The following DLGAP2 variants were observed in gnomAD, a reference collection of about 807,000 sequenced individuals.
The protein encoded by DLGAP2 is DLG associated protein 2, also known as disks large-associated protein 2.
A neutral mutation model predicts 100.3 loss-of-function variants in DLGAP2; 26 were observed. The ratio of observed to expected loss-of-function variants is 0.26; its 90% confidence interval spans 0.19 to 0.36. The LOEUF (loss-of-function observed/expected upper bound fraction) is 0.36. Ranked by LOEUF, DLGAP2 falls within the 10% of genes least tolerant of loss-of-function variation. DLGAP2 has a pLI of 1.00. For synonymous variants in DLGAP2, 886 were observed against 630.1 expected, an observed-to-expected ratio of 1.41 and a Z score of -6.08; for missense variants, 1,858 against 1,453.2, an observed-to-expected ratio of 1.28 and a Z score of -4.53.
At chr8:1,655,800 C>A (rs1483387503) in intron 8 of DLGAP2, among the ~76,000 whole-genome samples, 11 of 152,230 alleles carry the variant, frequency 7.2e-5, no homozygotes, top group African/African-American at 2.7e-4. Context: ...GAGTCCTCTG[C>A]TTCATGTGCT....
intron 1 of DLGAP2, among the ~76,000 whole-genome samples, chr8:788,771 A>C (rs1488848804): frequency 2.0e-5 from 3 of 152,180 alleles, no homozygotes. Context: ...AGCAGAAGTC[A>C]CTTATTTTCA....
chr8:1,176,182 C>T (rs901769882), intron 2 of DLGAP2, among the ~76,000 whole-genome samples: 4 of 150,586 alleles, frequency 2.7e-5, no homozygotes, highest in East Asian at 3.9e-4. Context: ...AAGCAAGGCA[C>T]GTGTTACATG....
intron 1 of DLGAP2, among the ~76,000 whole-genome samples, chr8:857,872 A>G (rs1248626537): frequency 6.8e-6 from 1 of 147,476 alleles, no homozygotes; most frequent in African/African-American, 2.5e-5. Context: ...CTTGCACATG[A>G]TTTTTTTTTT....
Position 1,657,090 on chromosome 8 carries a change from G to T in DLGAP2, c.1811-11239G>T, listed in dbSNP as rs182173230. ...CAAACAGATACTCATGCTTGGAATA[G>T]GTATTTTTTTTTTAAAGAAAGTAGT... On this transcript the variant is annotated intron_variant, in intron 8 of 14. Coordinates refer to ENST00000637795, the MANE Select transcript of DLGAP2 (RefSeq NM_001346810.2). Among the ~76,000 whole-genome samples the T allele has an allele frequency of 1.6e-3, 251 of 152,158 alleles. 2 individuals are homozygous for T. Among genetic ancestry groups the T allele is most frequent in the African/African-American group, 5.9e-3 (245 of 41,514 alleles).
intron 2 of DLGAP2, among the ~76,000 whole-genome samples, chr8:1,018,214 G>A (rs1801526514): frequency 6.6e-6 from 1 of 152,036 alleles, no homozygotes; most frequent in Non-Finnish European, 1.5e-5. Context: ...TCCGTCCTCA[G>A]CTTGTCCCTG....
chr8:1,431,700 C>G (rs576988988), intron 3 of DLGAP2, among the ~76,000 whole-genome samples: 1 of 152,238 alleles, frequency 6.6e-6, no homozygotes, highest in East Asian at 1.9e-4. Context: ...AGTGGAGGCA[C>G]TGGCTCCCGG....
At chr8:743,795 G>T (rs996491926) in intron 1 of DLGAP2, among the ~76,000 whole-genome samples, 1 of 152,174 alleles carries the variant, frequency 6.6e-6, no homozygotes, top group Non-Finnish European at 1.5e-5. Flanking sequence ...TGACTCCTGG[G>T]CTCTAGCCAT....
At chr8:1,135,681 G>A (rs1177116573) in intron 2 of DLGAP2, among the ~76,000 whole-genome samples, 1 of 152,140 alleles carries the variant, frequency 6.6e-6, no homozygotes, top group African/African-American at 2.4e-5. Flanking sequence ...GGAACTGCAG[G>A]TTGGGCGCTA....
chr8:817,238 GT>G (rs1796499285), intron 1 of DLGAP2, among the ~76,000 whole-genome samples: 1 of 151,936 alleles, frequency 6.6e-6, no homozygotes, highest in Non-Finnish European at 1.5e-5. Flanking sequence ...TCTTTCTTCA[GT>G]TTGTTCTATT....
At chr8:1,560,191 A>G (rs537419050) in intron 5 of DLGAP2, among the ~76,000 whole-genome samples, 1 of 152,228 alleles carries the variant, frequency 6.6e-6, no homozygotes, top group African/African-American at 2.4e-5. Context: ...TCCCTGTTTC[A>G]CATCTTCTGG....
At chr8:1,320,352 C>T (rs1411774810) in intron 3 of DLGAP2, among the ~76,000 whole-genome samples, 2 of 152,052 alleles carry the variant, frequency 1.3e-5, no homozygotes, top group Non-Finnish European at 2.9e-5. Context: ...CTCGAGGGAA[C>T]CGTAGCGTCG....
intron 3 of DLGAP2, among the ~76,000 whole-genome samples, chr8:1,275,697 G>C (rs1438004499): frequency 7.2e-6 from 1 of 138,550 alleles, no homozygotes; most frequent in Non-Finnish European, 1.5e-5. Context: ...GTTCTCTAGA[G>C]GGACAGAGCT....
At chr8:1,258,608 T>TC (rs1324781753) in intron 2 of DLGAP2, among the ~76,000 whole-genome samples, 1 of 152,034 alleles carries the variant, frequency 6.6e-6, no homozygotes, top group African/African-American at 2.4e-5. Flanking sequence ...AAAAAAAATT[T>TC]TTTTTAATTC....
chr8:962,873 G>T (rs1262696130), intron 2 of DLGAP2, among the ~76,000 whole-genome samples: 2 of 152,182 alleles, frequency 1.3e-5, no homozygotes, highest in Admixed American at 6.5e-5. Flanking sequence ...CCATCTGTGG[G>T]TGGCTTTCAT....
chr8:948,320 G>A (rs1267184634), intron 2 of DLGAP2, among the ~76,000 whole-genome samples: 1 of 152,222 alleles, frequency 6.6e-6, no homozygotes, highest in Non-Finnish European at 1.5e-5. Context: ...CATGCGTGTC[G>A]CCTGCGGGCG....
intron 7 of DLGAP2, among the ~76,000 whole-genome samples, chr8:1,627,378 G>C (rs1475925668): frequency 6.6e-6 from 1 of 152,190 alleles, no homozygotes; most frequent in African/African-American, 2.4e-5. Flanking sequence ...GTGGCCAGGA[G>C]AAGGGTCCCT....
At chr8:1,078,029 CA>C (rs1803680179) in intron 2 of DLGAP2, among the ~76,000 whole-genome samples, 1 of 152,178 alleles carries the variant, frequency 6.6e-6, no homozygotes, top group Non-Finnish European at 1.5e-5. Flanking sequence ...GCTTCCAGGT[CA>C]AGCACAGAGG....
intron 1 of DLGAP2, among the ~76,000 whole-genome samples, chr8:824,535 C>T (rs1314756935): frequency 1.3e-5 from 2 of 152,236 alleles, no homozygotes; most frequent in East Asian, 3.9e-4. Context: ...TTTGAGGACC[C>T]AGTATTCGTG....
chr8:1,592,627 C>T (rs1584965594), intron 6 of DLGAP2, among the ~76,000 whole-genome samples: 3 of 152,260 alleles, frequency 2.0e-5, no homozygotes, highest in Admixed American at 2.0e-4. Context: ...CAACTTCTAA[C>T]TATTGAAAAT....
Sources: gnomAD v4.1 joint callset for allele counts (sites outside exome capture counted in the v4.1 genomes callset) on GRCh38, gnomAD v4.1.1 for gene constraint, MANE v1.5 for transcripts, NCBI Gene and HGNC (gene_info 2026-07-23, HGNC 2026-07-21) for gene names.